Variants in TIMM17B observed in about 807,000 individuals in gnomAD.
TIMM17B encodes mitochondrial import inner membrane translocase subunit Tim17-B.
A neutral mutation model predicts 15.9 loss-of-function variants in TIMM17B; 10 were observed. The ratio of observed to expected loss-of-function variants is 0.63; its 90% confidence interval spans 0.39 to 1.06. The LOEUF is 1.06. Among genes scored for constraint, TIMM17B ranks in the 50% least tolerant of loss-of-function variants. The pLI, the probability that TIMM17B is intolerant of heterozygous loss-of-function variation, is 0.01. For synonymous variants in TIMM17B, 57 were observed against 57.2 expected, an observed-to-expected ratio of 1.00 and a Z score of 0.02; for missense variants, 114 against 152.2, an observed-to-expected ratio of 0.75 and a Z score of 1.32.
chrX:48,896,457 CAAAA>C, intron 3 of TIMM17B: 1 of 215,209 alleles, frequency 4.6e-6, no homozygotes, highest in Non-Finnish European at 7.6e-6. Flanking sequence ...AAGACTGTCT[CAAAA>C]AAAAAAAAAA....
exon 1 of TIMM17B, chrX:48,898,132 TC>T (rs2063337131): frequency 9.8e-7 from 1 of 1,016,949 alleles, no homozygotes; most frequent in South Asian, 2.4e-5. Flanking sequence ...AGTGCTGCCC[TC>T]TGCTCCCCCA....
At chrX:48,893,666 C>T in exon 7 of TIMM17B, 1 of 949,949 alleles carries the variant, frequency 1.1e-6, no homozygotes, top group South Asian at 2.5e-5. Flanking sequence ...AGCCAGCCCT[C>T]CCTTCGAGGT....
At chrX:48,895,603 C>T (rs2063303357) in intron 3 of TIMM17B, 1 of 465,182 alleles carries the variant, frequency 2.1e-6, no homozygotes, top group Non-Finnish European at 3.8e-6. Flanking sequence ...GGATGACAAA[C>T]TTGGGCAAAG....
intron 4 of TIMM17B, 125 bp downstream of exon 3, chrX:48,894,912 AC>A (rs1384640195): frequency 4.5e-5 from 25 of 558,418 alleles, no homozygotes; most frequent in Non-Finnish European, 7.0e-5. Flanking sequence ...GGGAAACATC[AC>A]CCCCCTAGAA....
exon 1 of TIMM17B, chrX:48,898,077 G>C: frequency 9.7e-7 from 1 of 1,034,207 alleles, no homozygotes; most frequent in Non-Finnish European, 1.2e-6. Context: ...CTGCACGAGT[G>C]TATTGGTAAC....
chrX:48,897,797 G>T (rs1557039948), exon 2 of TIMM17B: 1 of 1,198,795 alleles, frequency 8.3e-7, no homozygotes, highest in Non-Finnish European at 1.1e-6. Flanking sequence ...CAGCGTAGAC[G>T]CACACCGGCG....
chrX:48,896,482 T>C, intron 3 of TIMM17B: 1 of 386,125 alleles, frequency 2.6e-6, no homozygotes. Flanking sequence ...CTGTCTGGCT[T>C]TGCACATACA....
chrX:48,894,970 A>T, intron 4 of TIMM17B, 68 bp downstream of exon 3: 1 of 968,307 alleles, frequency 1.0e-6, no homozygotes, highest in Admixed American at 2.6e-5. Flanking sequence ...TGCAGCCTAG[A>T]CCCAAAGGAT....
chrX:48,893,699 G>A lies in TIMM17B; in HGVS notation c.*30C>T, dbSNP rs375570630. ...GGTAGACCATCGGGGAGGGAACCGA[G>A]AAGTAGCTCCCATGGTGGCAGTGGC... On this transcript the variant is annotated 3_prime_UTR_variant, in exon 7 of 7. Coordinates refer to ENST00000376582, the Ensembl canonical transcript of TIMM17B. The A allele has an allele frequency of 5.5e-6, 6 of 1,100,804 alleles. No individual in the cohort carries two copies. In the Admixed American group the frequency reaches 1.2e-4, roughly 22 times the overall value. The allele number at this position is 1,100,804 out of a possible 1,213,427, so 90.7% of individuals were successfully genotyped here.
chrX:48,897,098 A>G (rs1602313853), intron 2 of TIMM17B: 1 of 670,065 alleles, frequency 1.5e-6, no homozygotes, highest in East Asian at 3.8e-5. Context: ...CCAACCAAGG[A>G]ATCAGCCAAC....
At chrX:48,893,569 G>T in exon 7 of TIMM17B, 2 of 421,676 alleles carry the variant, frequency 4.7e-6, no homozygotes, top group South Asian at 5.1e-5. Flanking sequence ...GGACCCATCT[G>T]TCAGGGCAGC....
chrX:48,897,701 G>A, intron 2 of TIMM17B, 23 bp downstream of exon 1: 2 of 1,183,840 alleles, frequency 1.7e-6, no homozygotes, highest in Non-Finnish European at 2.3e-6. Flanking sequence ...CAATATTCCG[G>A]ATGCCTGTGC....
intron 1 of TIMM17B, 171 bp from the exon 1 acceptor site, chrX:48,897,939 T>C: frequency 1.0e-5 from 9 of 895,160 alleles, no homozygotes; most frequent in Non-Finnish European, 1.4e-5. Context: ...CCAGTTACTT[T>C]CAGGCTCGGG....
chrX:48,898,082 G>A (rs2063335675), exon 1 of TIMM17B: 1 of 1,025,862 alleles, frequency 9.7e-7, no homozygotes, highest in Non-Finnish European at 1.2e-6. Context: ...CGAGTGTATT[G>A]GTAACGTTGG....
chrX:48,896,726 C>T (rs782445698), intron 3 of TIMM17B, 33 bp downstream of exon 2: 46 of 1,207,549 alleles, frequency 3.8e-5, no homozygotes, highest in Non-Finnish European at 5.1e-5. Context: ...AGATAGCTAA[C>T]CCCACACCAA....
exon 5 of TIMM17B, chrX:48,894,212 C>T: frequency 3.3e-6 from 4 of 1,209,136 alleles, no homozygotes; most frequent in Non-Finnish European, 4.5e-6. Context: ...GGCCCCCCCA[C>T]ACTGCGAAGC....
intron 4 of TIMM17B, among the ~76,000 whole-genome samples, chrX:48,894,552 T>C (rs782725328): frequency 7.1e-5 from 8 of 111,918 alleles, no homozygotes; most frequent in African/African-American, 2.3e-4. Context: ...TGATTTGGGT[T>C]TCAGTGAGAA....
chrX:48,897,278 C>G, intron 2 of TIMM17B: 1 of 219,537 alleles, frequency 4.6e-6, no homozygotes, highest in Non-Finnish European at 8.3e-6. Flanking sequence ...CTTTTCAATC[C>G]GGCACAACTG....
At position 48,897,788 on chromosome X, in the gene TIMM17B, A is replaced by G. The variant is rs2063330050; in HGVS notation, c.-39T>C. 8.3e-7 allele frequency: 1 copy of G among 1,203,408 alleles called. No homozygotes were observed. The highest frequency in any genetic ancestry group is 1.8e-5 in the South Asian group (1 of 55,896). ...GGCCGCGCAGTCAGGCCACGCCCCC[A>G]GCGTAGACGCACACCGGCGTCGGAG... On this transcript the variant is annotated 5_prime_UTR_variant, in exon 2 of 7. Coordinates refer to ENST00000376582, the Ensembl canonical transcript of TIMM17B.
Sources: allele counts gnomAD v4.1 joint callset (sites outside exome capture counted in the v4.1 genomes callset), GRCh38; gene constraint gnomAD v4.1.1; transcripts MANE v1.5; gene names NCBI Gene and HGNC (gene_info 2026-07-23, HGNC 2026-07-21).